The following METTL25 variants were observed in gnomAD, a reference collection of about 807,000 sequenced individuals.
METTL25 encodes the protein probable methyltransferase-like protein 25.
METTL25 carries 64 observed loss-of-function variants against 71.6 expected under a neutral mutation model. That is an observed-to-expected ratio of 0.89 (90% confidence interval 0.73 to 1.10). METTL25 has a LOEUF of 1.10. Ranked by LOEUF, METTL25 falls within the 50% of genes least tolerant of loss-of-function variation. The pLI is 0.00. For synonymous variants in METTL25, 287 were observed against 250.3 expected (o/e 1.15, Z -1.38); for missense variants, 807 against 707.0 (o/e 1.14, Z -1.60).
intron 5 of METTL25, among the ~76,000 whole-genome samples, chr12:82,416,968 A>G (rs1044920722): frequency 6.6e-6 from 1 of 152,186 alleles, no homozygotes; most frequent in African/African-American, 2.4e-5. Flanking sequence ...TCTGATGCTA[A>G]TTATAAAACT....
intron 8 of METTL25, among the ~76,000 whole-genome samples, chr12:82,449,274 G>A (rs1356790323): frequency 6.6e-6 from 1 of 152,112 alleles, no homozygotes; most frequent in Non-Finnish European, 1.5e-5. Context: ...AGTTTCAAAT[G>A]TTTGCTAATA....
intron 6 of METTL25, among the ~76,000 whole-genome samples, chr12:82,432,290 C>T (rs1212587743): frequency 6.6e-6 from 1 of 151,478 alleles, no homozygotes; most frequent in East Asian, 1.9e-4. Context: ...CCTTTGGTAG[C>T]CCCACTTAAA....
At position 82,477,290 on chromosome 12, in the gene METTL25, G is replaced by C. The variant is rs963873032; in HGVS notation, c.1657G>C (p.Val553Leu). The C allele has an allele frequency of 1.3e-6, 2 of 1,542,828 alleles. No homozygotes were observed. Among genetic ancestry groups the C allele is most frequent in the Non-Finnish European group, 1.8e-6 (2 of 1,141,856 alleles). Residue 553 changes from valine (V) to leucine (L), a missense_variant, in exon 11 of 12, where the codon GTA becomes CTA. By Grantham distance (32) the Val-to-Leu change is conservative (BLOSUM62 1). Coordinates refer to ENST00000248306, the MANE Select transcript of METTL25 (RefSeq NM_032230.3). ...AATTTTTTTATTTTAGTTGAAAGTT[G>C]TACTGGCTCCCTGTATAGAGACTTT... ...ELEAFNMLKV[V>L]LAPCIETLIL...
chr12:82,374,641 C>G (rs993741770), intron 1 of METTL25, among the ~76,000 whole-genome samples: 1 of 152,202 alleles, frequency 6.6e-6, no homozygotes, highest in Non-Finnish European at 1.5e-5. Context: ...CTGGATTCAC[C>G]TCTGTTTGTT....
intron 9 of METTL25, among the ~76,000 whole-genome samples, chr12:82,465,827 G>A (rs1892192673): frequency 6.6e-6 from 1 of 151,996 alleles, no homozygotes; most frequent in African/African-American, 2.4e-5. Context: ...GTTCAATCCT[G>A]GTAGGTTGTA....
At chr12:82,365,152 G>A (rs1169861217) in intron 1 of METTL25, among the ~76,000 whole-genome samples, 1 of 152,082 alleles carries the variant, frequency 6.6e-6, no homozygotes. Flanking sequence ...CACATACCTA[G>A]TACTCAACTA....
At chr12:82,391,402 G>T (rs897436126) in intron 3 of METTL25, among the ~76,000 whole-genome samples, 4 of 151,956 alleles carry the variant, frequency 2.6e-5, no homozygotes, top group South Asian at 4.1e-4. Context: ...GTATCACTGT[G>T]TAAGATTTAT....
intron 5 of METTL25, among the ~76,000 whole-genome samples, chr12:82,426,755 G>A (rs890502354): frequency 6.6e-6 from 1 of 151,870 alleles, no homozygotes; most frequent in African/African-American, 2.4e-5. Flanking sequence ...GCTTCCATCT[G>A]TATCACCTGG....
chr12:82,469,896 G>A (rs1892468764), intron 9 of METTL25, among the ~76,000 whole-genome samples: 1 of 152,138 alleles, frequency 6.6e-6, no homozygotes, highest in South Asian at 2.1e-4. Flanking sequence ...TGGGTAGAGT[G>A]AGTCTCTAGC....
chr12:82,370,818 C>G (rs965315853), intron 1 of METTL25, among the ~76,000 whole-genome samples: 1 of 151,956 alleles, frequency 6.6e-6, no homozygotes, highest in Non-Finnish European at 1.5e-5. Flanking sequence ...TTCTCTCTTT[C>G]CTTTCTGCTG....
intron 5 of METTL25, among the ~76,000 whole-genome samples, chr12:82,415,967 C>G (rs1363013651): frequency 6.6e-6 from 1 of 152,072 alleles, no homozygotes; most frequent in African/African-American, 2.4e-5. Flanking sequence ...GTAATCATTA[C>G]CATTTTACTA....
intron 5 of METTL25, among the ~76,000 whole-genome samples, chr12:82,427,442 A>G (rs1368027764): frequency 6.6e-6 from 1 of 151,866 alleles, no homozygotes; most frequent in Non-Finnish European, 1.5e-5. Flanking sequence ...TTTCCAGTGT[A>G]GTGTATTTTT....
chr12:82,463,098 G>A (rs1225561302), intron 9 of METTL25, among the ~76,000 whole-genome samples: 1 of 151,780 alleles, frequency 6.6e-6, no homozygotes, highest in Non-Finnish European at 1.5e-5. Context: ...CCTCCTTCTA[G>A]CTATTTGAAA....
At position 82,366,799 on chromosome 12, in the gene METTL25, C is replaced by G. The variant is rs569826183; in HGVS notation, c.259+7975C>G. On this transcript the variant is annotated intron_variant, in intron 1 of 11. Coordinates refer to ENST00000248306, the MANE Select transcript of METTL25 (RefSeq NM_032230.3). ...CTGCTGTATGTAACTTTTATTCATTCACTTTCCTTATATATTTTTCTGAAT... is the reference window on the plus strand; with the variant it reads ...CTGCTGTATGTAACTTTTATTCATTGACTTTCCTTATATATTTTTCTGAAT... Among the ~76,000 whole-genome samples, 25 of 152,286 alleles carry G rather than the reference C, an allele frequency of 1.6e-4. No homozygotes were observed. In the East Asian group the frequency reaches 3.7e-3, roughly 22 times the overall value.
At chr12:82,402,896 C>A in intron 4 of METTL25, 87 bp from the exon 5 acceptor site, 2 of 995,766 alleles carry the variant, frequency 2.0e-6, no homozygotes, top group African/African-American at 1.6e-5. Context: ...GGCAACATTG[C>A]AAGATCCTGT....
In METTL25 at chr12:82,402,968, T is replaced by G. The variant is rs1331330421; in HGVS notation, c.1132-15T>G. On this transcript the variant is annotated splice_polypyrimidine_tract_variant and intron_variant, in intron 4 of 11. Transcript: ENST00000248306. ...TTTAATTACCAAATTTTATTTTTCT[T>G]CTTGTATTTTAAAGGATTGTTTGAT... 1.3e-6 allele frequency: 2 copies of G among 1,561,938 alleles called. No homozygotes were observed. Among genetic ancestry groups the G allele is most frequent in the Non-Finnish European group, 1.7e-6 (2 of 1,157,794 alleles).
chr12:82,423,539 A>G (rs1888711709), intron 5 of METTL25, among the ~76,000 whole-genome samples: 1 of 152,204 alleles, frequency 6.6e-6, no homozygotes, highest in South Asian at 2.1e-4. Context: ...AAAATTGACA[A>G]ATGGGATCTA....
intron 5 of METTL25, among the ~76,000 whole-genome samples, chr12:82,423,053 T>C (rs1018403213): frequency 6.6e-6 from 1 of 151,960 alleles, no homozygotes; most frequent in African/African-American, 2.4e-5. Flanking sequence ...CTAAAGTTCA[T>C]ATGGAACCAA....
At chr12:82,406,510 CTT>C (rs971054566) in intron 5 of METTL25, among the ~76,000 whole-genome samples, 2 of 151,910 alleles carry the variant, frequency 1.3e-5, no homozygotes, top group Non-Finnish European at 2.9e-5. Flanking sequence ...TTGCTTTAGT[CTT>C]TTTCATTTTG....
Sources: allele counts gnomAD v4.1 joint callset (sites outside exome capture counted in the v4.1 genomes callset), GRCh38; gene constraint gnomAD v4.1.1; transcripts MANE v1.5; gene names NCBI Gene and HGNC (gene_info 2026-07-23, HGNC 2026-07-21).